CDKL2: variants seen among roughly 807,000 people sequenced by gnomAD.
CDKL2 encodes the protein cyclin dependent kinase like 2.
A neutral mutation model predicts 63.9 loss-of-function variants in CDKL2; 64 were observed. The observed-to-expected ratio is 1.00, with a 90% CI of 0.82 to 1.23. The LOEUF is 1.23. CDKL2 is among the 50% of genes most tolerant of loss of function. CDKL2 has a pLI of 0.00. For missense variants in CDKL2, 656 were observed against 668.0 expected, an observed-to-expected ratio of 0.98 and a Z score of 0.20; for synonymous variants, 211 against 229.2, an observed-to-expected ratio of 0.92 and a Z score of 0.72.
At chr4:75,579,398 G>C (rs925702110) in intron 13 of CDKL2, among the ~76,000 whole-genome samples, 5 of 152,218 alleles carry the variant, frequency 3.3e-5, no homozygotes, top group African/African-American at 9.7e-5. Flanking sequence ...GTATGGCTGG[G>C]TGCAGTGGCT....
chr4:75,594,490 A>C (rs538005559), intron 10 of CDKL2, among the ~76,000 whole-genome samples: 2 of 152,290 alleles, frequency 1.3e-5, no homozygotes, highest in East Asian at 3.9e-4. Context: ...ATAGGAAGGA[A>C]AAGTACAGTG....
intron 2 of CDKL2, among the ~76,000 whole-genome samples, chr4:75,622,296 T>C (rs967964222): frequency 6.6e-6 from 1 of 152,034 alleles, no homozygotes; most frequent in African/African-American, 2.4e-5. Context: ...AAGAAATAAC[T>C]GTATCTGCTT....
At chr4:75,589,508 T>G (rs1215193523) in intron 12 of CDKL2, among the ~76,000 whole-genome samples, 1 of 151,038 alleles carries the variant, frequency 6.6e-6, no homozygotes, top group Non-Finnish European at 1.5e-5. Flanking sequence ...GTTTCACCGT[T>G]TTAGCCGGGA....
At chr4:75,600,455 T>C (rs1193795672) in intron 6 of CDKL2, 86 bp from the exon 7 acceptor site, 1 of 888,772 alleles carries the variant, frequency 1.1e-6, no homozygotes, top group Admixed American at 2.7e-5. Flanking sequence ...ATCCTCTTTA[T>C]AGTCAACGAT....
Position 75,605,566 on chromosome 4 carries a change from C to G in CDKL2, c.611G>C (p.Gly204Ala), listed in dbSNP as rs1212599692. 15 of 1,613,078 alleles carry G rather than the reference C, an allele frequency of 9.3e-6. No homozygotes were observed. The highest frequency in any genetic ancestry group is 1.3e-5 in the African/African-American group (1 of 75,014). Reference sequence around the variant, plus strand: ...ATATAGCTGATCAATATCAGAATCTCCAGGAAATAGGGGTTCCCCCATGAA... The same window carrying G: ...ATATAGCTGATCAATATCAGAATCTGCAGGAAATAGGGGTTCCCCCATGAA... ...EMFMGEPLFP[G>A]DSDIDQLYHI... Residue 204 changes from glycine to alanine, a missense_variant, in exon 5 of 14, where the codon GGA (glycine) becomes GCA (alanine). Physicochemically the swap from Gly to Ala is moderately conservative, Grantham distance 60. Transcript: ENST00000307465.
At position 75,597,036 on chromosome 4, in the gene CDKL2, A is replaced by T; in HGVS notation, c.1221T>A (p.Asn407Lys). The T allele has an allele frequency of 6.2e-7, 1 of 1,614,194 alleles. No individual in the cohort carries two copies. The highest frequency in any genetic ancestry group is 8.5e-7 in the Non-Finnish European group (1 of 1,180,032). The change falls in exon 9 of 14, where the codon AAT (asparagine) becomes AAA (lysine). Residue 407 changes from asparagine to lysine, a missense_variant. Asn to Lys is a moderately conservative substitution (Grantham distance 94). Transcript: ENST00000307465. Reference protein sequence around the residue: ...CSNVSVDHTRNPSVAIPPLTH... With the variant: ...CSNVSVDHTRKPSVAIPPLTH... Reference sequence around the variant, plus strand: ...TAAGTGGGGGAATTGCCACGCTTGGATTCCTTGTGTGGTCCACGCTGACAT... The same window carrying T: ...TAAGTGGGGGAATTGCCACGCTTGGTTTCCTTGTGTGGTCCACGCTGACAT...
Position 75,603,900 on chromosome 4 carries a change from C to G in CDKL2, c.712G>C (p.Val238Leu). Reference sequence around the variant, plus strand: ...CTTTCCTTGATTTCAGGCAACCTTACTCCAGCAAACACAGGATTTTTATTA... The same window carrying G: ...CTTTCCTTGATTTCAGGCAACCTTAGTCCAGCAAACACAGGATTTTTATTA... The part of the protein sequence containing the change: ...LFNKNPVFAG[V>L]RLPEIKEREP... The change falls in exon 6 of 14, where the codon GTA becomes CTA. Residue 238 changes from valine to leucine, a missense_variant. Coordinates refer to ENST00000307465, the MANE Select transcript of CDKL2 (RefSeq NM_001330724.2). 6.2e-7 allele frequency: 1 copy of G among 1,613,692 alleles called. No individual in the cohort carries two copies. The highest frequency in any genetic ancestry group is 8.5e-7 in the Non-Finnish European group (1 of 1,179,866).
chr4:75,584,169 G>A (rs1298126427), intron 12 of CDKL2, among the ~76,000 whole-genome samples: 1 of 152,218 alleles, frequency 6.6e-6, no homozygotes, highest in Non-Finnish European at 1.5e-5. Context: ...CGTGGGCCGA[G>A]TGTAATCATG....
intron 10 of CDKL2, among the ~76,000 whole-genome samples, chr4:75,594,299 T>G (rs1055891554): frequency 1.5e-4 from 23 of 151,912 alleles, no homozygotes; most frequent in African/African-American, 5.3e-4. Context: ...AATACAAAAA[T>G]TAGCTGGGTG....
At chr4:75,608,383 C>T (rs1729524474) in intron 3 of CDKL2, among the ~76,000 whole-genome samples, 1 of 151,928 alleles carries the variant, frequency 6.6e-6, no homozygotes, top group African/African-American at 2.4e-5. Context: ...CCTCGGCCTC[C>T]CAAAGTGCTG....
At chr4:75,627,721 CTTTTTTTTTCTTTTTTT>C (rs1251597372) in intron 1 of CDKL2, among the ~76,000 whole-genome samples, 4 of 45,276 alleles carry the variant, frequency 8.8e-5, no homozygotes, top group African/African-American at 3.5e-4. Context: ...TTTTTCTTTA[CTTTTTTTTTCTTTTTTT>C]TTTTTTTTTT....
At chr4:75,596,195 G>T in intron 10 of CDKL2, 52 bp downstream of exon 10, 1 of 1,044,564 alleles carries the variant, frequency 9.6e-7, no homozygotes, top group Non-Finnish European at 1.5e-6. Context: ...TTTAATAAAA[G>T]TCTAGAGCTG....
chr4:75,628,238 C>G (rs572664918), intron 1 of CDKL2, among the ~76,000 whole-genome samples: 35 of 151,802 alleles, frequency 2.3e-4, no homozygotes, highest in African/African-American at 8.0e-4. Flanking sequence ...GCCTCAACCT[C>G]TCGAGTAGCT....
chr4:75,623,898 C>G (rs1176601951), intron 2 of CDKL2, among the ~76,000 whole-genome samples: 1 of 152,102 alleles, frequency 6.6e-6, no homozygotes, highest in Non-Finnish European at 1.5e-5. Context: ...CTTTGGAAGG[C>G]TGAGGCAGGC....
chr4:75,627,739 T>TC (rs1553931982), intron 1 of CDKL2, among the ~76,000 whole-genome samples: 2 of 140,804 alleles, frequency 1.4e-5, no homozygotes, highest in Non-Finnish European at 3.1e-5. Flanking sequence ...TTCTTTTTTT[T>TC]TTTTTTTTTT....
intron 2 of CDKL2, among the ~76,000 whole-genome samples, chr4:75,617,039 G>A (rs1321844638): frequency 1.3e-5 from 2 of 152,034 alleles, no homozygotes; most frequent in African/African-American, 4.8e-5. Flanking sequence ...TCGTGACTGC[G>A]ACAAAATCCA....
intron 12 of CDKL2, among the ~76,000 whole-genome samples, chr4:75,587,448 C>T (rs1173753357): frequency 1.3e-5 from 2 of 151,648 alleles, no homozygotes; most frequent in Non-Finnish European, 2.9e-5. Context: ...AGCAAGACTC[C>T]GTCTCAAAAG....
intron 12 of CDKL2, among the ~76,000 whole-genome samples, chr4:75,587,307 A>G (rs1383087946): frequency 1.3e-5 from 2 of 151,812 alleles, no homozygotes; most frequent in Non-Finnish European, 2.9e-5. Context: ...TACAAAAATT[A>G]GCCGAGTGTA....
rs751157714 is a variant in CDKL2 at position 75,607,255 on chromosome 4, A to C, written c.470T>G (p.Val157Gly). Residue 157 changes from valine (V) to glycine (G), a missense_variant, in exon 4 of 14, where the codon GTT becomes GGT. Physicochemically the swap from Val to Gly is moderately radical, Grantham distance 109. Coordinates refer to ENST00000307465, the MANE Select transcript of CDKL2 (RefSeq NM_001330724.2). Reference sequence around the variant, plus strand: ...TCGGGTTGCCACATAATCAGTATAAACCTCCCCAGGAGCTGCCAATGTTCG... The same window carrying C: ...TCGGGTTGCCACATAATCAGTATAACCCTCCCCAGGAGCTGCCAATGTTCG... ...FARTLAAPGE[V>G]YTDYVATRWY... 6.2e-7 allele frequency: 1 copy of C among 1,613,282 alleles called. No homozygotes were observed. Among genetic ancestry groups the C allele is most frequent in the Non-Finnish European group, 8.5e-7 (1 of 1,179,758 alleles).
Sources: gnomAD v4.1 joint callset for allele counts (sites outside exome capture counted in the v4.1 genomes callset) on GRCh38, gnomAD v4.1.1 for gene constraint, MANE v1.5 for transcripts, NCBI Gene and HGNC (gene_info 2026-07-23, HGNC 2026-07-21) for gene names.